The following FRMD3 variants were observed in gnomAD, a reference collection of about 807,000 sequenced individuals.
FRMD3 encodes FERM domain-containing protein 3.
Under a neutral mutation model 70.2 loss-of-function variants are expected in FRMD3, and 33 were observed. That is an observed-to-expected ratio of 0.47 (90% CI 0.36 to 0.63). The LOEUF is 0.63. Ranked by LOEUF, FRMD3 falls within the 20% of genes least tolerant of loss-of-function variation. The pLI, the probability that FRMD3 is intolerant of heterozygous loss-of-function variation, is 0.00. For synonymous variants in FRMD3, 279 were observed against 255.9 expected (o/e 1.09, Z -0.86); for missense variants, 632 against 711.4 (o/e 0.89, Z 1.27).
At chr9:83,579,888 T>C in the FRMD3 span, among the ~76,000 whole-genome samples, 1 of 152,044 alleles carries the variant, frequency 6.6e-6, no homozygotes, top group Non-Finnish European at 1.5e-5. Flanking sequence ...TAAAGCTTAA[T>C]ATTTAAAATA....
chr9:83,410,537 C>T (rs938552548), intron 1 of FRMD3, among the ~76,000 whole-genome samples: 12 of 152,084 alleles, frequency 7.9e-5, no homozygotes, highest in South Asian at 2.1e-4. Context: ...TTTCTTTATC[C>T]GCTCCACCAC....
intron 1 of FRMD3, among the ~76,000 whole-genome samples, chr9:83,486,875 A>G (rs1384213974): frequency 6.6e-6 from 1 of 152,218 alleles, no homozygotes; most frequent in African/African-American, 2.4e-5. Flanking sequence ...GATAGCAATG[A>G]CTGAATATTC....
At chr9:83,315,623 C>T (rs1240875617) in intron 6 of FRMD3, among the ~76,000 whole-genome samples, 1 of 152,142 alleles carries the variant, frequency 6.6e-6, no homozygotes, top group Non-Finnish European at 1.5e-5. Context: ...TGCCTTCCAC[C>T]ACGTTTGTAA....
At chr9:83,290,786 T>C (rs1283515734) in intron 12 of FRMD3, 59 bp from the exon 13 acceptor site, 6 of 1,541,516 alleles carry the variant, frequency 3.9e-6, no homozygotes, top group Non-Finnish European at 4.4e-6. Flanking sequence ...GGCCCCTCCA[T>C]CTCAGCGGGC....
At chr9:83,382,190 G>A (rs1825377647) in intron 2 of FRMD3, among the ~76,000 whole-genome samples, 1 of 151,980 alleles carries the variant, frequency 6.6e-6, no homozygotes, top group East Asian at 1.9e-4. Context: ...TTGCTGTCAT[G>A]CCACATAAAT....
the FRMD3 span, among the ~76,000 whole-genome samples, chr9:83,554,579 G>A: frequency 6.6e-6 from 1 of 152,244 alleles, no homozygotes; most frequent in East Asian, 1.9e-4. Context: ...GGACCCATGG[G>A]AGACAGACTG....
chr9:83,528,503 G>A (rs555417238), intron 1 of FRMD3, among the ~76,000 whole-genome samples: 24 of 151,818 alleles, frequency 1.6e-4, no homozygotes, highest in African/African-American at 5.6e-4. Flanking sequence ...AATTTTTCAG[G>A]AAGTTCAGTA....
At chr9:83,446,623 G>A (rs1398581371) in intron 1 of FRMD3, among the ~76,000 whole-genome samples, 1 of 146,206 alleles carries the variant, frequency 6.8e-6, no homozygotes, top group Non-Finnish European at 1.5e-5. Flanking sequence ...CTCCAGCCTG[G>A]GCGACAGAGC....
At chr9:83,370,784 C>A (rs1253674132) in intron 3 of FRMD3, among the ~76,000 whole-genome samples, 1 of 152,054 alleles carries the variant, frequency 6.6e-6, no homozygotes, top group Non-Finnish European at 1.5e-5. Context: ...CGGTAGTGCA[C>A]GCCCGTAGTT....
At chr9:83,519,106 C>T (rs1018788628) in intron 1 of FRMD3, among the ~76,000 whole-genome samples, 2 of 152,082 alleles carry the variant, frequency 1.3e-5, no homozygotes, top group Non-Finnish European at 2.9e-5. Context: ...ACTAAAACAC[C>T]AAAAGCAATG....
intron 5 of FRMD3, among the ~76,000 whole-genome samples, chr9:83,340,915 A>T (rs1249444079): frequency 6.6e-6 from 1 of 152,190 alleles, no homozygotes; most frequent in Admixed American, 6.5e-5. Context: ...GTTTTTTATA[A>T]ACTCAGAATA....
chr9:83,469,844 A>G (rs953644207), intron 1 of FRMD3, among the ~76,000 whole-genome samples: 14 of 152,182 alleles, frequency 9.2e-5, no homozygotes, highest in Admixed American at 5.2e-4. Context: ...ATCTCAGAAA[A>G]CTAAGATGGG....
chr9:83,419,449 A>AGTGT (rs60945722), intron 1 of FRMD3, among the ~76,000 whole-genome samples: 7,620 of 148,458 alleles, frequency 0.051, 195 homozygotes, highest in Middle Eastern at 0.075. Flanking sequence ...GCTGTGAGAG[A>AGTGT]GTGTGTGTGT....
chr9:83,434,799 TC>T lies in FRMD3; in HGVS notation c.148-45092del, dbSNP rs1200719140. 2.3e-5 allele frequency among the ~76,000 whole-genome samples: 3 copies of T among 132,648 alleles called. No homozygotes were observed. In the South Asian group the frequency reaches 7.5e-4, roughly 33 times the overall value. 87.0% of individuals were successfully genotyped at this position (132,648 alleles called of 152,430 possible). A position where few individuals can be genotyped will look rare whatever the true frequency, so the allele number is the denominator to read the frequency against. ...CAGAAGATGCCAACATCTGAATCTC[TC>T]CCCTCCCCCACCCCTCTGCTTTTTT... On this transcript the variant is annotated intron_variant, in intron 1 of 13. Transcript: ENST00000304195.
chr9:83,468,001 C>G (rs995736547), intron 1 of FRMD3, among the ~76,000 whole-genome samples: 1 of 149,814 alleles, frequency 6.7e-6, no homozygotes, highest in Non-Finnish European at 1.5e-5. Context: ...TAGGAAAATT[C>G]TAAAAAAAAA....
intron 1 of FRMD3, among the ~76,000 whole-genome samples, chr9:83,427,973 A>G (rs934989777): frequency 3.9e-5 from 6 of 152,240 alleles, no homozygotes; most frequent in Non-Finnish European, 8.8e-5. Context: ...CGACCAGTTT[A>G]GAAAACAACT....
At chr9:83,406,688 T>C (rs570902516) in intron 1 of FRMD3, among the ~76,000 whole-genome samples, 1 of 152,346 alleles carries the variant, frequency 6.6e-6, no homozygotes, top group South Asian at 2.1e-4. Context: ...TTCCTTGCCA[T>C]TGGGCAATTG....
At chr9:83,580,714 C>A in the FRMD3 span, among the ~76,000 whole-genome samples, 18 of 152,118 alleles carry the variant, frequency 1.2e-4, no homozygotes, top group Admixed American at 6.5e-4. Flanking sequence ...AGAAGAGTGA[C>A]TACAGTCAAT....
At chr9:83,563,775 G>A in the FRMD3 span, among the ~76,000 whole-genome samples, 21 of 152,124 alleles carry the variant, frequency 1.4e-4, no homozygotes, top group Non-Finnish European at 2.6e-4. Context: ...AATAATGATG[G>A]GGCTGGGGAA....
Sources: allele counts gnomAD v4.1 joint callset (sites outside exome capture counted in the v4.1 genomes callset), GRCh38; gene constraint gnomAD v4.1.1; transcripts MANE v1.5; gene names NCBI Gene and HGNC (gene_info 2026-07-23, HGNC 2026-07-21).